Variants in RIMS2 observed in about 807,000 individuals in gnomAD.
The protein encoded by RIMS2 is regulating synaptic membrane exocytosis protein 2.
Under a neutral mutation model 174.4 loss-of-function variants are expected in RIMS2, and 59 were observed. The ratio of observed to expected loss-of-function variants is 0.34; its 90% confidence interval spans 0.27 to 0.42. RIMS2 has a LOEUF of 0.42. Among genes scored for constraint, RIMS2 ranks in the 10% least tolerant of loss-of-function variants. RIMS2 has a pLI of 1.00. For synonymous variants in RIMS2, 606 were observed against 572.5 expected (o/e 1.06, Z -0.84); for missense variants, 1,620 against 1,666.3 (o/e 0.97, Z 0.48).
intron 3 of RIMS2, among the ~76,000 whole-genome samples, chr8:103,784,836 T>C (rs1455327929): frequency 8.7e-6 from 1 of 114,478 alleles, no homozygotes; most frequent in Non-Finnish European, 1.8e-5. Flanking sequence ...GGGGATGGCA[T>C]TGAATCTGTA....
chr8:103,775,874 GA>G (rs1286124307), intron 3 of RIMS2, among the ~76,000 whole-genome samples: 2 of 151,994 alleles, frequency 1.3e-5, no homozygotes, highest in African/African-American at 2.4e-5. Flanking sequence ...ATTTTTAGGT[GA>G]AAAAAAGAAT....
chr8:104,155,575 G>A lies in RIMS2; in HGVS notation c.3335-89341G>A, dbSNP rs189232784. 4.3e-3 allele frequency among the ~76,000 whole-genome samples: 650 copies of A among 150,836 alleles called. 7 individuals carry two copies. The highest frequency in any genetic ancestry group is 0.015 in the African/African-American group (627 of 41,038). ...ATTACAGGCGCCCACCACCATGCCC[G>A]GCTAATTTTTTGTATTTTTAGTGGA... On this transcript the variant is annotated intron_variant, in intron 19 of 23. Coordinates refer to ENST00000504942, the Ensembl canonical transcript of RIMS2.
intron 19 of RIMS2, among the ~76,000 whole-genome samples, chr8:104,101,105 T>G (rs1324091081): frequency 7.6e-6 from 1 of 131,088 alleles, no homozygotes; most frequent in African/African-American, 2.9e-5. Context: ...TAATATTGCA[T>G]ATATTATATA....
At chr8:104,141,728 A>C (rs1275856377) in intron 19 of RIMS2, among the ~76,000 whole-genome samples, 1 of 152,198 alleles carries the variant, frequency 6.6e-6, no homozygotes, top group East Asian at 1.9e-4. Context: ...AAGCATTCTC[A>C]TTCCTGCCTC....
intron 1 of RIMS2, among the ~76,000 whole-genome samples, chr8:103,593,249 G>A (rs1224278078): frequency 1.3e-5 from 2 of 151,348 alleles, no homozygotes; most frequent in Non-Finnish European, 3.0e-5. Flanking sequence ...TGATGTTAAT[G>A]ATATGATTTT....
intron 3 of RIMS2, among the ~76,000 whole-genome samples, chr8:103,778,695 T>C (rs2154431934): frequency 6.6e-6 from 1 of 152,312 alleles, no homozygotes; most frequent in East Asian, 1.9e-4. Flanking sequence ...CTATTGTGAA[T>C]AGTGCTGCAT....
intron 4 of RIMS2, among the ~76,000 whole-genome samples, chr8:103,900,308 C>G (rs1468034411): frequency 6.6e-6 from 1 of 151,680 alleles, no homozygotes; most frequent in Non-Finnish European, 1.5e-5. Context: ...ACTACAGTCT[C>G]CACCTCCTGG....
At chr8:103,580,187 A>G (rs1358390066) in intron 1 of RIMS2, among the ~76,000 whole-genome samples, 1 of 152,116 alleles carries the variant, frequency 6.6e-6, no homozygotes, top group East Asian at 1.9e-4. Context: ...GTCCTTACCA[A>G]TTATAACCTT....
intron 19 of RIMS2, among the ~76,000 whole-genome samples, chr8:104,071,257 GT>G (rs1326806773): frequency 1.3e-5 from 2 of 152,248 alleles, no homozygotes; most frequent in Admixed American, 6.5e-5. Context: ...ATCATTTTAA[GT>G]TGGGAAAAAA....
intron 19 of RIMS2, among the ~76,000 whole-genome samples, chr8:104,186,561 C>T (rs2098968985): frequency 6.6e-6 from 1 of 151,712 alleles, no homozygotes; most frequent in African/African-American, 2.4e-5. Flanking sequence ...GAATTAGTAG[C>T]TCCCTTTGTC....
At chr8:103,536,354 C>T (rs1839757969) in intron 1 of RIMS2, among the ~76,000 whole-genome samples, 1 of 152,006 alleles carries the variant, frequency 6.6e-6, no homozygotes, top group African/African-American at 2.4e-5. Flanking sequence ...GACCTAAGAA[C>T]AAGCAGTAAG....
At chr8:103,751,459 C>A (rs2097890332) in intron 2 of RIMS2, among the ~76,000 whole-genome samples, 1 of 151,710 alleles carries the variant, frequency 6.6e-6, no homozygotes, top group South Asian at 2.1e-4. Flanking sequence ...TGGGTATATA[C>A]CCAGTAATGG....
chr8:104,165,126 A>G (rs997555925), intron 19 of RIMS2, among the ~76,000 whole-genome samples: 1 of 152,218 alleles, frequency 6.6e-6, no homozygotes, highest in Non-Finnish European at 1.5e-5. Flanking sequence ...TACAGTGCAC[A>G]ATTTTAAAGC....
chr8:104,020,919 C>T (rs2096069934), intron 19 of RIMS2, among the ~76,000 whole-genome samples: 2 of 151,808 alleles, frequency 1.3e-5, no homozygotes, highest in African/African-American at 2.4e-5. Context: ...TGTAATCTAC[C>T]ACAACCAAAT....
rs768442036 is a variant in RIMS2, at chr8:104,013,512, C to A, written c.3115C>A (p.Arg1039=). 3 of 1,613,782 alleles carry A rather than the reference C, an allele frequency of 1.9e-6. No homozygotes were observed. In the East Asian group the frequency reaches 6.7e-5, roughly 36 times the overall value. ...AACAGAACAACGGCCTCTCCTTGAG[C>A]GGACCACCACCCGCTCCAGATCCAC... The change falls in exon 18 of 24, where the codon CGG becomes AGG. Residue 1039 remains arginine (R), a synonymous_variant. Coordinates refer to ENST00000504942, the Ensembl canonical transcript of RIMS2.
At chr8:104,214,881 C>T (rs1356666939) in intron 19 of RIMS2, among the ~76,000 whole-genome samples, 1 of 152,206 alleles carries the variant, frequency 6.6e-6, no homozygotes, top group Non-Finnish European at 1.5e-5. Flanking sequence ...TACGTTCAAG[C>T]AACAGTCCAC....
chr8:103,732,920 T>G (rs1008277689), intron 2 of RIMS2, among the ~76,000 whole-genome samples: 1 of 152,148 alleles, frequency 6.6e-6, no homozygotes, highest in Non-Finnish European at 1.5e-5. Flanking sequence ...CACTTGGTGC[T>G]CTACCACACT....
At chr8:103,619,142 G>A (rs536629430) in intron 1 of RIMS2, among the ~76,000 whole-genome samples, 2 of 132,636 alleles carry the variant, frequency 1.5e-5, no homozygotes, top group South Asian at 2.6e-4. Context: ...TACTTGAAAA[G>A]AGAAAAAGCT....
chr8:103,574,185 G>A (rs549009235), intron 1 of RIMS2, among the ~76,000 whole-genome samples: 1 of 152,040 alleles, frequency 6.6e-6, no homozygotes, highest in South Asian at 2.1e-4. Flanking sequence ...AACGACCTAA[G>A]AGATATCACT....
Sources: gnomAD v4.1 joint callset for allele counts (sites outside exome capture counted in the v4.1 genomes callset) on GRCh38, gnomAD v4.1.1 for gene constraint, MANE v1.5 for transcripts, NCBI Gene and HGNC (gene_info 2026-07-23, HGNC 2026-07-21) for gene names.